PIK3C3: variants seen among roughly 807,000 people sequenced by gnomAD.
PIK3C3 encodes phosphatidylinositol 3-kinase catalytic subunit type 3, also known as PI3-kinase type 3.
A neutral mutation model predicts 126.1 loss-of-function variants in PIK3C3; 95 were observed. That is an observed-to-expected ratio of 0.75 (90% CI 0.64 to 0.89). PIK3C3 has a LOEUF of 0.89. PIK3C3 is among the 40% of genes least tolerant of loss of function. PIK3C3 has a pLI of 0.00. For missense variants in PIK3C3, 829 were observed against 1,063.2 expected, an observed-to-expected ratio of 0.78 and a Z score of 3.06; for synonymous variants, 374 against 360.0, an observed-to-expected ratio of 1.04 and a Z score of -0.44.
At chr18:42,079,877 C>G (rs1480958344) in intron 24 of PIK3C3, among the ~76,000 whole-genome samples, 1 of 152,010 alleles carries the variant, frequency 6.6e-6, no homozygotes, top group Non-Finnish European at 1.5e-5. Flanking sequence ...GATTCACCGC[C>G]GCTACCTCCA....
intron 5 of PIK3C3, among the ~76,000 whole-genome samples, chr18:41,989,651 A>G (rs920848754): frequency 6.6e-6 from 1 of 152,144 alleles, no homozygotes; most frequent in African/African-American, 2.4e-5. Flanking sequence ...TGAAGTAACA[A>G]GTTTGTAGCC....
intron 24 of PIK3C3, among the ~76,000 whole-genome samples, chr18:42,071,291 A>G (rs1985761704): frequency 6.6e-6 from 1 of 152,220 alleles, no homozygotes; most frequent in Non-Finnish European, 1.5e-5. Context: ...GTTTGGGACA[A>G]TAACAGCTTC....
intron 20 of PIK3C3, chr18:42,049,265 A>G (rs1306140005): frequency 3.5e-6 from 1 of 288,772 alleles, no homozygotes; most frequent in Non-Finnish European, 6.4e-6. Context: ...CCCATGTTAT[A>G]ATTTAAGGTC....
intron 15 of PIK3C3, among the ~76,000 whole-genome samples, chr18:42,031,646 A>T (rs1276895838): frequency 6.6e-6 from 1 of 151,972 alleles, no homozygotes; most frequent in Non-Finnish European, 1.5e-5. Flanking sequence ...TCTCAAACTG[A>T]CCTCAAGTGA....
In PIK3C3 at chr18:42,035,916, C is replaced by T. The variant is rs558337660; in HGVS notation, c.1840-1776C>T. Among the ~76,000 whole-genome samples, 16 of 152,104 alleles carry T rather than the reference C, an allele frequency of 1.1e-4. No individual in the cohort carries two copies. In the East Asian group the frequency reaches 3.1e-3, roughly 29 times the overall value. Reference sequence around the variant, plus strand: ...GCTGGATATTCATGAAGACTGGACCCCTTAAGGCACTGGGATAAGTGCATG... The same window carrying T: ...GCTGGATATTCATGAAGACTGGACCTCTTAAGGCACTGGGATAAGTGCATG... On this transcript the variant is annotated intron_variant, in intron 16 of 24. Transcript: ENST00000262039.
At chr18:41,981,733 G>T (rs974833527) in intron 4 of PIK3C3, among the ~76,000 whole-genome samples, 9 of 151,732 alleles carry the variant, frequency 5.9e-5, no homozygotes, top group Non-Finnish European at 1.3e-4. Flanking sequence ...GCTGAGAAGG[G>T]TGGATCATTT....
Position 42,081,210 on chromosome 18 carries a change from G to T in PIK3C3, c.*73G>T. On this transcript the variant is annotated 3_prime_UTR_variant, in exon 25 of 25. Transcript: ENST00000262039. ...TTAGGAGCAACCTTTGTATATTGGA[G>T]ACTTCAGAGTAACCAGCAAGGAAGA... The T allele has an allele frequency of 1.1e-6, 1 of 924,704 alleles. No individual in the cohort carries two copies. The allele number at this position is 924,704 out of a possible 1,614,324, so 57.3% of individuals were successfully genotyped here. A position where few individuals can be genotyped will look rare whatever the true frequency, so the allele number is the denominator to read the frequency against.
At chr18:41,988,037 A>G (rs566250696) in intron 5 of PIK3C3, 139 bp downstream of exon 5, 2 of 547,778 alleles carry the variant, frequency 3.7e-6, no homozygotes, top group African/African-American at 3.9e-5. Context: ...ATTCTATGCT[A>G]ATAACTGGAA....
chr18:42,038,419 G>T (rs1433100170), intron 17 of PIK3C3, among the ~76,000 whole-genome samples: 1 of 151,742 alleles, frequency 6.6e-6, no homozygotes, highest in South Asian at 2.1e-4. Context: ...TTGGCTCACT[G>T]CAACCTCTGC....
Position 42,037,690 on chromosome 18 carries a change from A to G in PIK3C3, c.1840-2A>G. 6.2e-7 allele frequency: 1 copy of G among 1,601,944 alleles called. No homozygotes were observed. Reference sequence around the variant, plus strand: ...TTTGAAATCAATATTTTTATTTTCCAGAGTGCCCTTATGCCTGCACAGTTG... The same window carrying G: ...TTTGAAATCAATATTTTTATTTTCCGGAGTGCCCTTATGCCTGCACAGTTG... On this transcript the variant is annotated splice_acceptor_variant, in intron 16 of 24. Transcript: ENST00000262039. LOFTEE classifies it high-confidence loss of function.
intron 24 of PIK3C3, among the ~76,000 whole-genome samples, chr18:42,080,856 T>C (rs1227310088): frequency 1.3e-5 from 2 of 152,170 alleles, no homozygotes; most frequent in Non-Finnish European, 2.9e-5. Context: ...TGATTTTTGC[T>C]TGTCTCGTGT....
At chr18:41,961,763 C>A (rs1435528158) in intron 2 of PIK3C3, among the ~76,000 whole-genome samples, 1 of 151,700 alleles carries the variant, frequency 6.6e-6, no homozygotes, top group Non-Finnish European at 1.5e-5. Context: ...CAAATGAATA[C>A]AGTGTGAAAT....
chr18:42,081,870 A>G lies in PIK3C3; in HGVS notation c.*733A>G, dbSNP rs1986263160. On this transcript the variant is annotated 3_prime_UTR_variant, in exon 25 of 25. Transcript: ENST00000262039. ...ATGACCACCAGTTTTAGTATTGAGC[A>G]TAAGATATTTTTACATATTCATGTA... 1 of 152,232 alleles carries G rather than the reference A, an allele frequency of 6.6e-6. No homozygotes were observed. The highest frequency in any genetic ancestry group is 2.4e-5 in the African/African-American group (1 of 41,474). The allele number at this position is 152,232 out of a possible 1,614,324, so 9.4% of individuals were successfully genotyped here. A position where few individuals can be genotyped will look rare whatever the true frequency, so the allele number is the denominator to read the frequency against.
At chr18:41,997,491 C>G (rs1195107222) in intron 9 of PIK3C3, among the ~76,000 whole-genome samples, 2 of 152,100 alleles carry the variant, frequency 1.3e-5, no homozygotes, top group African/African-American at 2.4e-5. Flanking sequence ...AGGCAAATTA[C>G]TTTGCCTGTA....
At chr18:41,967,511 C>CTAGTATTG (rs1485439236) in intron 3 of PIK3C3, among the ~76,000 whole-genome samples, 1 of 152,156 alleles carries the variant, frequency 6.6e-6, no homozygotes, top group South Asian at 2.1e-4. Context: ...CTCAAGACAT[C>CTAGTATTG]TAGTATTGTA....
chr18:41,992,678 AAAACTGATT>A (rs764501015), intron 6 of PIK3C3, among the ~76,000 whole-genome samples: 12 of 152,182 alleles, frequency 7.9e-5, no homozygotes, highest in Non-Finnish European at 1.5e-4. Context: ...TTATTTCTGA[AAAACTGATT>A]GATTGATTTT....
intron 21 of PIK3C3, among the ~76,000 whole-genome samples, chr18:42,055,203 TA>T (rs1252618128): frequency 2.0e-5 from 3 of 152,006 alleles, no homozygotes; most frequent in Non-Finnish European, 2.9e-5. Flanking sequence ...AGCTGGTTGT[TA>T]AAAAAGAGCT....
At chr18:42,054,332 C>G (rs1984965609) in intron 21 of PIK3C3, among the ~76,000 whole-genome samples, 1 of 150,864 alleles carries the variant, frequency 6.6e-6, no homozygotes, top group African/African-American at 2.4e-5. Context: ...AGGAAACATT[C>G]AGCACGAGAG....
chr18:41,955,344 A>G lies in PIK3C3; in HGVS notation c.53A>G (p.Asn18Ser), dbSNP rs371984369. The G allele has an allele frequency of 4.3e-6, 7 of 1,613,392 alleles. No individual in the cohort carries two copies. The highest frequency in any genetic ancestry group is 4.0e-5 in the African/African-American group (3 of 74,886). Residue 18 changes from asparagine (N) to serine (S), a missense_variant, in exon 1 of 25, where the codon AAC (asparagine) becomes AGC (serine). By Grantham distance (46) the Asn-to-Ser change is conservative (BLOSUM62 1). Coordinates refer to ENST00000262039, the MANE Select transcript of PIK3C3 (RefSeq NM_002647.4). ...ATCTATAGTTGTGACCTGGATATCAACGTCCAGCTTAAGATGTAAGAGAAC... is the reference window on the plus strand; with the variant it reads ...ATCTATAGTTGTGACCTGGATATCAGCGTCCAGCTTAAGATGTAAGAGAAC... Reference protein sequence around the residue: ...HYIYSCDLDINVQLKIGSLEG... With the variant: ...HYIYSCDLDISVQLKIGSLEG...
Sources: allele counts gnomAD v4.1 joint callset (sites outside exome capture counted in the v4.1 genomes callset), GRCh38; gene constraint gnomAD v4.1.1; transcripts MANE v1.5; gene names NCBI Gene and HGNC (gene_info 2026-07-23, HGNC 2026-07-21).